The following VWF variants were observed in gnomAD, a reference collection of about 807,000 sequenced individuals.
The protein encoded by VWF is Factor VIII related antigen.
In VWF, 176 loss-of-function variants were observed where a neutral mutation model predicts 308.6. That is an observed-to-expected ratio of 0.57 (90% CI 0.50 to 0.65). The LOEUF is 0.65. Among genes scored for constraint, VWF ranks in the 30% least tolerant of loss-of-function variants. VWF has a pLI of 0.00. For synonymous variants in VWF, 1,385 were observed against 1,443.4 expected (o/e 0.96, Z 0.92); for missense variants, 3,146 against 3,648.2 (o/e 0.86, Z 3.55).
At chr12:5,968,456 T>C (rs1006601821) in intron 45 of VWF, among the ~76,000 whole-genome samples, 5 of 152,172 alleles carry the variant, frequency 3.3e-5, no homozygotes, top group African/African-American at 9.7e-5. Flanking sequence ...GGGAGGATGT[T>C]TGGGTTTATG....
intron 42 of VWF, 97 bp downstream of exon 42, chr12:5,981,689 G>A (rs1943607673): frequency 1.4e-5 from 19 of 1,337,852 alleles, no homozygotes; most frequent in Non-Finnish European, 2.0e-5. Context: ...ATGGGTAGGT[G>A]GATGGATGAA....
chr12:6,052,598 A>G lies in VWF; in HGVS notation c.2131T>C (p.Tyr711His), dbSNP rs1944528593. 2 of 1,614,260 alleles carry G rather than the reference A, an allele frequency of 1.2e-6. No homozygotes were observed. Among genetic ancestry groups the G allele is most frequent in the East Asian group, 4.5e-5 (2 of 44,890 alleles). Residue 711 changes from tyrosine (Y) to histidine (H), a missense_variant, in exon 16 of 52, where the codon TAT becomes CAT. This residue lies in a region of VWF where 1,304 missense variants were observed against 1,353.0 expected (regional missense o/e 0.96). Transcript: ENST00000261405. ...TCTGGCTGGAAGATCTCACCGTCAT[A>G]GTAACAGGGGCACTGGGCCTTGGGC... ...CVPKAQCPCYYDGEIFQPEDI... is the reference protein window; with the variant it reads ...CVPKAQCPCYHDGEIFQPEDI...
intron 3 of VWF, among the ~76,000 whole-genome samples, chr12:6,114,206 AAGT>A (rs1945341043): frequency 1.3e-5 from 2 of 152,158 alleles, no homozygotes; most frequent in East Asian, 3.9e-4. Flanking sequence ...GGGTGGGACC[AAGT>A]CTCCCAGGGA....
rs1256518778 is a variant in VWF, at chr12:6,100,634, T to C, written c.533-5050A>G. Among the ~76,000 whole-genome samples the C allele has an allele frequency of 2.6e-5, 4 of 152,190 alleles. No homozygotes were observed. The East Asian group carries it at 7.7e-4, about 29-fold the overall frequency. On this transcript the variant is annotated intron_variant, in intron 5 of 51. Coordinates refer to ENST00000261405, the MANE Select transcript of VWF (RefSeq NM_000552.5). ...GGAAATCATCATTCTCAGTAAACTA[T>C]TGCAAGGACAAAAAACCAAACACCG... is the stretch of plus-strand genomic sequence containing the variant.
At chr12:6,089,506 C>T (rs1945008327) in intron 6 of VWF, among the ~76,000 whole-genome samples, 2 of 152,124 alleles carry the variant, frequency 1.3e-5, no homozygotes, top group African/African-American at 4.8e-5. Flanking sequence ...GCTGGAGCCT[C>T]AGAAAGGTGC....
chr12:5,956,784 A>T (rs1203658813), intron 47 of VWF, among the ~76,000 whole-genome samples: 2 of 152,234 alleles, frequency 1.3e-5, no homozygotes, highest in Admixed American at 1.3e-4. Flanking sequence ...CAAGAATCAA[A>T]AAGCTTTTAA....
At chr12:5,964,242 A>ACATACATG (rs1257059722) in intron 47 of VWF, among the ~76,000 whole-genome samples, 1 of 136,968 alleles carries the variant, frequency 7.3e-6, no homozygotes, top group Non-Finnish European at 1.5e-5. Context: ...ATACATACAT[A>ACATACATG]CATACATGCA....
At chr12:6,072,566 G>A in intron 8 of VWF, 124 bp from the exon 9 acceptor site, 1 of 787,166 alleles carries the variant, frequency 1.3e-6, no homozygotes, top group Non-Finnish European at 2.2e-6. Flanking sequence ...CTTGTTCTGT[G>A]GTGTTTATCT....
At chr12:5,967,810 G>T (rs566259201) in intron 46 of VWF, among the ~76,000 whole-genome samples, 2 of 152,222 alleles carry the variant, frequency 1.3e-5, no homozygotes, top group Non-Finnish European at 2.9e-5. Flanking sequence ...TGCCAAAGAG[G>T]CAGCCCAGGT....
chr12:6,108,959 T>A (rs1046249487), intron 5 of VWF, among the ~76,000 whole-genome samples: 7 of 143,230 alleles, frequency 4.9e-5, no homozygotes, highest in African/African-American at 1.8e-4. Context: ...CCAGCCTGGG[T>A]GACAGAGCGA....
At chr12:6,072,201 C>T in intron 9 of VWF, 130 bp downstream of exon 9, 2 of 794,344 alleles carry the variant, frequency 2.5e-6, no homozygotes, top group South Asian at 1.5e-5. Context: ...CACCAGTAGC[C>T]TCCAACTCAG....
chr12:6,100,253 AG>A (rs1360704012), intron 5 of VWF, among the ~76,000 whole-genome samples: 1 of 149,782 alleles, frequency 6.7e-6, no homozygotes, highest in African/African-American at 2.5e-5. Context: ...CAGGTGCTGG[AG>A]AGGATGTGGA....
intron 16 of VWF, among the ~76,000 whole-genome samples, chr12:6,050,227 C>T (rs1944494120): frequency 6.6e-6 from 1 of 152,216 alleles, no homozygotes; most frequent in South Asian, 2.1e-4. Context: ...ACTCCAGGGC[C>T]ATCTGCAACA....
rs770786924 is a variant in VWF, at chr12:6,019,613, C to T, written c.3805G>A (p.Asp1269Asn). ...TCCAGTAGCCTGCTGCAGTAGAAAT[C>T]GTGCAACGGCGGTTCCGAGATGTCC... ...VEDISEPPLH[D>N]FYCSRLLDLV... The change falls in exon 28 of 52, where the codon GAT becomes AAT. Residue 1269 changes from aspartate (D) to asparagine (N), a missense_variant. Asp to Asn is a conservative substitution (Grantham distance 23, BLOSUM62 1). This residue lies in a region of VWF where 853 missense variants were observed against 1,177.8 expected (regional missense o/e 0.72). Coordinates refer to ENST00000261405, the MANE Select transcript of VWF (RefSeq NM_000552.5). This position sits in a 1 kb window ranked among gnomAD's most constrained non-coding sequence, Gnocchi z 5.8. The T allele has an allele frequency of 5.0e-6, 8 of 1,613,946 alleles. No homozygotes were observed. Among genetic ancestry groups the T allele is most frequent in the African/African-American group, 1.3e-5 (1 of 75,032 alleles).
Position 6,071,305 on chromosome 12 carries a change from T to C in VWF, c.1148A>G (p.Glu383Gly), listed in dbSNP as rs1356843352. 1.2e-6 allele frequency: 2 copies of C among 1,614,040 alleles called. No individual in the cohort carries two copies. The highest frequency in any genetic ancestry group is 8.5e-7 in the Non-Finnish European group (1 of 1,180,036). ...RNSQWICSNE[E>G]CPGECLVTGQ... The stretch of plus-strand genomic sequence containing the variant: ...AGCGGCAGGTCGCCTACCTGGACAT[T>C]CTTCATTGCTGCAGATCCACTGGCT... Residue 383 changes from glutamate to glycine, a missense_variant, in exon 10 of 52, where the codon GAA (glutamate) becomes GGA (glycine). Glu to Gly is a moderately conservative substitution (Grantham distance 98, BLOSUM62 -2). Coordinates refer to ENST00000261405, the MANE Select transcript of VWF (RefSeq NM_000552.5).
chr12:6,089,997 A>G (rs1056703757), intron 6 of VWF, among the ~76,000 whole-genome samples: 8 of 151,844 alleles, frequency 5.3e-5, no homozygotes, highest in South Asian at 2.1e-4. Flanking sequence ...TCGCTGTGTC[A>G]CCCAGGCTGG....
In VWF at chr12:6,078,829, C is replaced by T. The variant is rs557155087; in HGVS notation, c.658-3278G>A. Among the ~76,000 whole-genome samples the T allele has an allele frequency of 2.6e-5, 4 of 152,312 alleles. No homozygotes were observed. In the South Asian group the frequency reaches 8.3e-4, roughly 32 times the overall value. On this transcript the variant is annotated intron_variant, in intron 6 of 51. Transcript: ENST00000261405. ...CAGCATGGCCCATCTCCAGCATTTCCAAATCACTCTTTTCCCACTCAGAGG... is the reference window on the plus strand; with the variant it reads ...CAGCATGGCCCATCTCCAGCATTTCTAAATCACTCTTTTCCCACTCAGAGG...
At position 6,011,787 on chromosome 12, in the gene VWF, T is replaced by G; in HGVS notation, c.5672A>C (p.Asp1891Ala). 6.2e-7 allele frequency: 1 copy of G among 1,609,930 alleles called. No individual in the cohort carries two copies. The highest frequency in any genetic ancestry group is 1.1e-5 in the South Asian group (1 of 90,866). ...DEDGNEKRPG[D>A]VWTLPDQCHT... ...GCACTGGTCTGGCAAGGTCCAGACGTCCCCGGGCTGCAGAAGAAAACAGCA... is the reference window on the plus strand; with the variant it reads ...GCACTGGTCTGGCAAGGTCCAGACGGCCCCGGGCTGCAGAAGAAAACAGCA... The change falls in exon 34 of 52, where the codon GAC (aspartate) becomes GCC (alanine). Residue 1891 changes from aspartate to alanine, a missense_variant. This residue lies in a region of VWF where 853 missense variants were observed against 1,177.8 expected (regional missense o/e 0.72). Coordinates refer to ENST00000261405, the MANE Select transcript of VWF (RefSeq NM_000552.5).
At chr12:6,102,588 A>C (rs1355060061) in intron 5 of VWF, among the ~76,000 whole-genome samples, 5 of 151,474 alleles carry the variant, frequency 3.3e-5, no homozygotes, top group African/African-American at 1.2e-4. Context: ...TACAAAAATT[A>C]GCCAGGCGTG....
Sources: allele counts gnomAD v4.1 joint callset (sites outside exome capture counted in the v4.1 genomes callset), GRCh38; gene constraint gnomAD v4.1.1; regional missense constraint gnomAD v4.1.1; non-coding constraint Gnocchi (gnomAD v3.1); transcripts MANE v1.5; gene names NCBI Gene and HGNC (gene_info 2026-07-23, HGNC 2026-07-21).